LIG1: variants seen among roughly 807,000 people sequenced by gnomAD.
LIG1 encodes ligase I, DNA, ATP-dependent.
Under a neutral mutation model 115.7 loss-of-function variants are expected in LIG1, and 70 were observed. The observed-to-expected ratio is 0.60, with a 90% CI of 0.50 to 0.74. The LOEUF is 0.74. Among genes scored for constraint, LIG1 ranks in the 30% least tolerant of loss-of-function variants. LIG1 has a pLI of 0.00. For synonymous variants in LIG1, 487 were observed against 495.3 expected (o/e 0.98, Z 0.22); for missense variants, 1,115 against 1,225.6 (o/e 0.91, Z 1.35).
At chr19:48,124,730 T>C (rs2033548467) in intron 21 of LIG1, among the ~76,000 whole-genome samples, 1 of 152,220 alleles carries the variant, frequency 6.6e-6, no homozygotes, top group Admixed American at 6.5e-5. Context: ...AAATTAGAAA[T>C]GTAGGCTACT....
rs192247150 is a variant in LIG1, at chr19:48,120,310, T to C, written c.2385+860A>G. On this transcript the variant is annotated intron_variant, in intron 24 of 27. Coordinates refer to ENST00000263274, the MANE Select transcript of LIG1 (RefSeq NM_000234.3). ...TGTTGCCATATTGCTTAAGGGCATA[T>C]ACAACACTGAAAACAAAGTACTTCC... 1.5e-3 allele frequency: 1,465 copies of C among 985,368 alleles called. 2 individuals carry two copies. The highest frequency in any genetic ancestry group is 3.1e-3 in the Admixed American group (51 of 16,266). 61.0% of individuals were successfully genotyped at this position (985,368 alleles called of 1,614,324 possible). A position where few individuals can be genotyped will look rare whatever the true frequency, so the allele number is the denominator to read the frequency against.
chr19:48,135,902 C>G, intron 15 of LIG1, 123 bp from the exon 16 acceptor site: 1 of 936,442 alleles, frequency 1.1e-6, no homozygotes, highest in Non-Finnish European at 1.7e-6. Flanking sequence ...CCCCCTCCCC[C>G]CCACCCAGGA....
At chr19:48,165,129 C>A (rs940872906) in intron 2 of LIG1, among the ~76,000 whole-genome samples, 13 of 152,072 alleles carry the variant, frequency 8.5e-5, no homozygotes, top group Admixed American at 3.9e-4. Flanking sequence ...CGTGGTGGCA[C>A]GTGCCTATAA....
chr19:48,168,851 T>A (rs565754923), intron 1 of LIG1, among the ~76,000 whole-genome samples: 38 of 152,286 alleles, frequency 2.5e-4, no homozygotes, highest in African/African-American at 8.9e-4. Flanking sequence ...GCACTTTAAA[T>A]ACACTGAAAT....
In LIG1 at chr19:48,119,334, TG is replaced by T. The variant is rs1229257070; in HGVS notation, c.2386-145del. On this transcript the variant is annotated intron_variant, in intron 24 of 27. Transcript: ENST00000263274. The stretch of plus-strand genomic sequence containing the variant: ...ACAGAAAACCAGGGAAGTAGGGAGC[TG>T]GGGGTGCGGAGCATCCATCCAGAGA... 1.8e-5 allele frequency: 13 copies of T among 728,516 alleles called. No individual in the cohort carries two copies. The East Asian group carries it at 3.0e-4, about 17-fold the overall frequency. The allele number at this position is 728,516 out of a possible 1,614,324, so 45.1% of individuals were successfully genotyped here.
intron 20 of LIG1, 181 bp from the exon 21 acceptor site, chr19:48,127,529 G>A (rs997185149): frequency 2.2e-5 from 14 of 637,868 alleles, no homozygotes; most frequent in South Asian, 3.5e-5. Flanking sequence ...AGCTAATTCC[G>A]ACAACCTCAT....
In LIG1 at chr19:48,125,896, G is replaced by A. The variant is rs368081233; in HGVS notation, c.2004+1381C>T. Among the ~76,000 whole-genome samples, 13 of 151,840 alleles carry A rather than the reference G, an allele frequency of 8.6e-5. No homozygotes were observed. In the South Asian group the frequency reaches 2.7e-3, roughly 32 times the overall value. ...CCAGCTACTCGGGAGGCTGAGGCAG[G>A]GGAATCGCTTGACCCCAGGAGGCGG... On this transcript the variant is annotated intron_variant, in intron 21 of 27. Coordinates refer to ENST00000263274, the MANE Select transcript of LIG1 (RefSeq NM_000234.3).
intron 12 of LIG1, among the ~76,000 whole-genome samples, chr19:48,138,748 T>G (rs559766936): frequency 3.3e-5 from 5 of 152,330 alleles, no homozygotes; most frequent in African/African-American, 1.2e-4. Flanking sequence ...CATCTGCAAC[T>G]TCTTTTGTGA....
chr19:48,162,093 C>T (rs1448690420), intron 3 of LIG1, among the ~76,000 whole-genome samples, 169 bp downstream of exon 3: 1 of 152,092 alleles, frequency 6.6e-6, no homozygotes, highest in Non-Finnish European at 1.5e-5. Context: ...ACTCCGAGGC[C>T]CTGGATCCAG....
intron 24 of LIG1, chr19:48,120,267 G>C (rs1055798809): frequency 4.1e-6 from 4 of 985,360 alleles, no homozygotes; most frequent in Non-Finnish European, 3.6e-6. Flanking sequence ...GAAAACTCTT[G>C]TGCGGGCATT....
chr19:48,161,055 A>T (rs2036146609), intron 4 of LIG1: 1 of 402,536 alleles, frequency 2.5e-6, no homozygotes, highest in Non-Finnish European at 4.7e-6. Flanking sequence ...TTGTTTTACC[A>T]TCAGGCATTA....
chr19:48,127,367 G>T lies in LIG1; in HGVS notation c.1933-19C>A. 6.2e-7 allele frequency: 1 copy of T among 1,608,556 alleles called. No homozygotes were observed. On this transcript the variant is annotated intron_variant, in intron 20 of 27. Transcript: ENST00000263274. ...CCACCTCCTGGGTTGGGGCACAACGGAGTTCGTGAGTGCAGGAAGGTGAGA... is the reference window on the plus strand; with the variant it reads ...CCACCTCCTGGGTTGGGGCACAACGTAGTTCGTGAGTGCAGGAAGGTGAGA...
intron 11 of LIG1, among the ~76,000 whole-genome samples, chr19:48,142,458 C>CAAAAAAAAAAAAA (rs2034836513): frequency 1.4e-5 from 1 of 71,690 alleles, no homozygotes. Flanking sequence ...AAAAAAAAAA[C>CAAAAAAAAAAAAA]AGAGTGCTGG....
rs763411950 is a variant in LIG1, at chr19:48,127,260, A to G, written c.2004+17T>C. On this transcript the variant is annotated intron_variant, in intron 21 of 27. Transcript: ENST00000263274. ...CGTCACCCCTCAGCTGCCCCTGGAC[A>G]GGAAGCTGGAACTCACCTCTCCATT... The G allele has an allele frequency of 4.2e-5, 67 of 1,609,904 alleles. 1 individual carries two copies. The highest frequency in any genetic ancestry group is 4.6e-5 in the Non-Finnish European group (54 of 1,176,620).
rs544139160 is a variant in LIG1, at chr19:48,159,733, T to A, written c.243+1639A>T. Among the ~76,000 whole-genome samples, 202 of 138,852 alleles carry A rather than the reference T, an allele frequency of 1.5e-3. 1 individual carries two copies. The highest frequency in any genetic ancestry group is 6.4e-4 in the Non-Finnish European group (41 of 64,328). 91.1% of individuals were successfully genotyped at this position (138,852 alleles called of 152,430 possible). The stretch of plus-strand genomic sequence containing the variant: ...TATTTATTTATTTATTTATTTATTT[T>A]TTGAGACAGAGTCTTGCTCTGTCAC... On this transcript the variant is annotated intron_variant, in intron 4 of 27. Coordinates refer to ENST00000263274, the MANE Select transcript of LIG1 (RefSeq NM_000234.3).
Position 48,143,900 on chromosome 19 carries a change from G to GC in LIG1, c.839dup (p.Cys280TrpfsTer18). 1 of 1,613,960 alleles carries GC rather than the reference G, an allele frequency of 6.2e-7. No homozygotes were observed. Among genetic ancestry groups the GC allele is most frequent in the Non-Finnish European group, 8.5e-7 (1 of 1,179,864 alleles). ...AACCTCACTTCTGGCCCGGTTTCCA[G>GC]CAGGCATCTTCCACGGGATGATAGT... On this transcript the variant is annotated frameshift_variant, in exon 10 of 28. Coordinates refer to ENST00000263274, the MANE Select transcript of LIG1 (RefSeq NM_000234.3). LOFTEE classifies it high-confidence loss of function.
chr19:48,162,387 T>TAACAGCACC lies in LIG1; in HGVS notation c.18-45_18-37dup, dbSNP rs3078278. The stretch of plus-strand genomic sequence containing the variant: ...ATAAAAGGGGGTAAAAAAAGGAGAA[T>TAACAGCACC]AACAGCACCAATACCCTGCCTATCT... On this transcript the variant is annotated intron_variant, in intron 2 of 27. Transcript: ENST00000263274. 2.0e-3 allele frequency: 2,831 copies of TAACAGCACC among 1,440,996 alleles called. 38 individuals are homozygous for TAACAGCACC. The African/African-American group carries it at 0.033, about 17-fold the overall frequency. The allele number at this position is 1,440,996 out of a possible 1,614,324, so 89.3% of individuals were successfully genotyped here.
At chr19:48,168,241 C>T (rs1340303988) in intron 1 of LIG1, among the ~76,000 whole-genome samples, 1 of 152,192 alleles carries the variant, frequency 6.6e-6, no homozygotes, top group Non-Finnish European at 1.5e-5. Context: ...TACTCTATGC[C>T]TGACAGGCTG....
At chr19:48,164,361 T>C (rs980694658) in intron 2 of LIG1, among the ~76,000 whole-genome samples, 2 of 152,204 alleles carry the variant, frequency 1.3e-5, no homozygotes, top group African/African-American at 4.8e-5. Flanking sequence ...ATGGATGCCC[T>C]TGTCTGGGTC....
Sources: gnomAD v4.1 joint callset for allele counts (sites outside exome capture counted in the v4.1 genomes callset) on GRCh38, gnomAD v4.1.1 for gene constraint, MANE v1.5 for transcripts, NCBI Gene and HGNC (gene_info 2026-07-23, HGNC 2026-07-21) for gene names.